The following IL1RAPL2 variants were observed in gnomAD, a reference collection of about 807,000 sequenced individuals.
IL1RAPL2 encodes interleukin 1 receptor accessory protein like 2, also known as X-linked interleukin-1 receptor accessory protein-like 2.
A neutral mutation model predicts 44.1 loss-of-function variants in IL1RAPL2; 3 were observed. The ratio of observed to expected loss-of-function variants is 0.07; its 90% confidence interval spans 0.03 to 0.18. The LOEUF (loss-of-function observed/expected upper bound fraction) is 0.18, where lower values mean the gene tolerates loss of function less well. Ranked by LOEUF, IL1RAPL2 falls within the 10% of genes least tolerant of loss-of-function variation. IL1RAPL2 has a pLI of 1.00. For synonymous variants in IL1RAPL2, 181 were observed against 178.8 expected (o/e 1.01, Z -0.10); for missense variants, 391 against 496.4 (o/e 0.79, Z 2.02).
intron 2 of IL1RAPL2, among the ~76,000 whole-genome samples, chrX:104,735,282 A>T (rs950887638): frequency 1.8e-5 from 2 of 111,705 alleles, no homozygotes; most frequent in African/African-American, 6.5e-5. Context: ...TAGAACCTTG[A>T]TCAGTTCTTG....
At chrX:105,584,027 A>G (rs1202960309) in intron 6 of IL1RAPL2, among the ~76,000 whole-genome samples, 1 of 112,153 alleles carries the variant, frequency 8.9e-6, no homozygotes, top group East Asian at 2.8e-4. Flanking sequence ...TTACAGTTCT[A>G]AATATGGTCC....
intron 5 of IL1RAPL2, among the ~76,000 whole-genome samples, chrX:105,452,679 G>A (rs1453721563): frequency 1.8e-5 from 2 of 110,677 alleles, no homozygotes; most frequent in African/African-American, 6.6e-5. Context: ...TAAAAGGGGG[G>A]GGACATTGAT....
intron 2 of IL1RAPL2, among the ~76,000 whole-genome samples, chrX:105,101,459 A>G (rs1035362795): frequency 1.8e-5 from 2 of 111,839 alleles, no homozygotes; most frequent in Admixed American, 1.9e-4. Context: ...GGCATGTAGA[A>G]TCTTTTTGAG....
intron 7 of IL1RAPL2, among the ~76,000 whole-genome samples, chrX:105,732,059 A>G (rs2038410492): frequency 8.9e-6 from 1 of 111,831 alleles, no homozygotes; most frequent in Non-Finnish European, 1.9e-5. Context: ...TTAAATGTAC[A>G]ACATAAATTA....
chrX:105,603,100 G>A lies in IL1RAPL2; in HGVS notation c.773-114267G>A, dbSNP rs762676053. On this transcript the variant is annotated intron_variant, in intron 6 of 10. Coordinates refer to ENST00000372582, the MANE Select transcript of IL1RAPL2 (RefSeq NM_017416.2). ...CCAATCCACAAAGATAAATAAGAGA[G>A]TAAGAAAGGAACGAAAGAAATGCAA... Among the ~76,000 whole-genome samples, 19 of 110,901 alleles carry A rather than the reference G, an allele frequency of 1.7e-4. No individual in the cohort carries two copies. In the Admixed American group the frequency reaches 1.7e-3, roughly 10 times the overall value.
chrX:105,761,987 T>A (rs976224896), intron 10 of IL1RAPL2, among the ~76,000 whole-genome samples: 1 of 111,847 alleles, frequency 8.9e-6, no homozygotes, highest in African/African-American at 3.2e-5. Context: ...ATAGAGTTTT[T>A]TCTCCCATGT....
At chrX:105,525,331 A>G (rs2036588549) in intron 6 of IL1RAPL2, among the ~76,000 whole-genome samples, 1 of 111,022 alleles carries the variant, frequency 9.0e-6, no homozygotes, top group African/African-American at 3.3e-5. Context: ...GATTTAAATT[A>G]GCGTTTTCTC....
At chrX:105,576,549 C>T (rs1402435202) in intron 6 of IL1RAPL2, among the ~76,000 whole-genome samples, 1 of 111,402 alleles carries the variant, frequency 9.0e-6, no homozygotes, top group African/African-American at 3.3e-5. Flanking sequence ...CATCCCCATA[C>T]TGGTCACCTT....
chrX:105,357,543 C>A (rs2035212250), intron 5 of IL1RAPL2, among the ~76,000 whole-genome samples: 1 of 110,496 alleles, frequency 9.1e-6, no homozygotes, highest in East Asian at 2.9e-4. Flanking sequence ...CATGGGATAT[C>A]TTTTTATTTA....
At chrX:105,656,446 C>A (rs5916939) in intron 6 of IL1RAPL2, among the ~76,000 whole-genome samples, 31,549 of 110,172 alleles carry the variant, frequency 0.29, 3,653 homozygotes, top group Non-Finnish European at 0.36. Context: ...TACTACTATT[C>A]AACAAGAAAG....
At chrX:104,849,215 A>T (rs1398904623) in intron 2 of IL1RAPL2, among the ~76,000 whole-genome samples, 3 of 106,270 alleles carry the variant, frequency 2.8e-5, no homozygotes, top group Non-Finnish European at 3.9e-5. Context: ...TTTTTTGTAG[A>T]GATGGGATTT....
intron 5 of IL1RAPL2, among the ~76,000 whole-genome samples, chrX:105,376,167 C>G (rs7886250): frequency 0.037 from 4,097 of 111,791 alleles, 203 homozygotes; most frequent in African/African-American, 0.13. Flanking sequence ...ATGTGAGTAT[C>G]TCAGTTCATA....
At chrX:105,639,464 T>C (rs748202128) in intron 6 of IL1RAPL2, among the ~76,000 whole-genome samples, 1 of 110,968 alleles carries the variant, frequency 9.0e-6, no homozygotes, top group South Asian at 3.8e-4. Context: ...AAGGTGATAC[T>C]GAAAAGAAAT....
intron 1 of IL1RAPL2, among the ~76,000 whole-genome samples, chrX:104,644,629 G>A (rs1224476863): frequency 9.1e-6 from 1 of 109,706 alleles, no homozygotes; most frequent in East Asian, 2.8e-4. Context: ...CCCCTTTTCT[G>A]GCTTCTTTCC....
chrX:105,701,789 G>T (rs1236697350), intron 6 of IL1RAPL2, among the ~76,000 whole-genome samples: 1 of 111,998 alleles, frequency 8.9e-6, no homozygotes, highest in Non-Finnish European at 1.9e-5. Context: ...GCATTGTTGT[G>T]TTGTTGTTGA....
chrX:105,694,694 A>G (rs1414410086), intron 6 of IL1RAPL2, among the ~76,000 whole-genome samples: 1 of 111,179 alleles, frequency 9.0e-6, no homozygotes, highest in Non-Finnish European at 1.9e-5. Context: ...TCCATCTGGA[A>G]TGGGTACCCT....
At chrX:105,464,605 A>G (rs893557388) in intron 5 of IL1RAPL2, among the ~76,000 whole-genome samples, 1 of 112,158 alleles carries the variant, frequency 8.9e-6, no homozygotes, top group African/African-American at 3.2e-5. Flanking sequence ...AAAAACAAGT[A>G]AAATAATTAT....
chrX:105,657,510 T>A (rs2037684837), intron 6 of IL1RAPL2, among the ~76,000 whole-genome samples: 1 of 112,472 alleles, frequency 8.9e-6, no homozygotes, highest in South Asian at 3.7e-4. Flanking sequence ...TACTCAGAGC[T>A]ATACTTTCTT....
At chrX:105,356,356 C>T (rs1306123608) in intron 5 of IL1RAPL2, among the ~76,000 whole-genome samples, 3 of 111,209 alleles carry the variant, frequency 2.7e-5, no homozygotes, top group Non-Finnish European at 5.7e-5. Flanking sequence ...GATTCTCTTT[C>T]CAACATCCAG....
Sources: gnomAD v4.1 joint callset for allele counts (sites outside exome capture counted in the v4.1 genomes callset) on GRCh38, gnomAD v4.1.1 for gene constraint, MANE v1.5 for transcripts, NCBI Gene and HGNC (gene_info 2026-07-23, HGNC 2026-07-21) for gene names.